The following SATB2 variants were observed in gnomAD, a reference collection of about 807,000 sequenced individuals.
The protein encoded by SATB2 is SATB homeobox 2.
In SATB2, 1 loss-of-function variant was observed where a neutral mutation model predicts 73.4. That is an observed-to-expected ratio of 0.01 (90% CI 0.00 to 0.06). The LOEUF (loss-of-function observed/expected upper bound fraction) is 0.06. Ranked by LOEUF, SATB2 falls within the 10% of genes least tolerant of loss-of-function variation. The pLI, the probability that SATB2 is intolerant of heterozygous loss-of-function variation, is 1.00. For synonymous variants in SATB2, 397 were observed against 367.0 expected, an observed-to-expected ratio of 1.08 and a Z score of -0.93; for missense variants, 459 against 945.8, an observed-to-expected ratio of 0.49 and a Z score of 6.75.
intron 5 of SATB2, among the ~76,000 whole-genome samples, chr2:199,371,867 C>T (rs1171396954): frequency 9.9e-5 from 15 of 151,810 alleles, no homozygotes; most frequent in Admixed American, 7.9e-4. Flanking sequence ...ACACTTAAAC[C>T]GAGGAACTAT....
At chr2:199,296,348 T>TAAAAGGGGTCTA (rs1402819861) in intron 10 of SATB2, among the ~76,000 whole-genome samples, 1 of 152,150 alleles carries the variant, frequency 6.6e-6, no homozygotes, top group Non-Finnish European at 1.5e-5. Flanking sequence ...GTGTTTTAGA[T>TAAAAGGGGTCTA]AAAAGGGGTC....
At chr2:199,293,250 C>T (rs1434539217) in intron 10 of SATB2, among the ~76,000 whole-genome samples, 1 of 151,994 alleles carries the variant, frequency 6.6e-6, no homozygotes, top group Non-Finnish European at 1.5e-5. Context: ...GAGTTTTTCT[C>T]CTGTTTTCTT....
Position 199,349,033 on chromosome 2 carries a change from G to C in SATB2, c.841C>G (p.Pro281Ala), listed in dbSNP as rs752392251. The C allele has an allele frequency of 6.2e-7, 1 of 1,614,132 alleles. No individual in the cohort carries two copies. Among genetic ancestry groups the C allele is most frequent in the Non-Finnish European group, 8.5e-7 (1 of 1,179,990 alleles). The change falls in exon 7 of 11, where the codon CCA becomes GCA. Residue 281 changes from proline to alanine, a missense_variant. Transcript: ENST00000417098. ...SPHSQIHHST[P>A]IRNQVPALQP... is the part of the protein sequence containing the mutation. ...AATGCGGGCACTTGGTTTCGGATTG[G>C]AGTACTGTGGTGAATTTGGCTGTGA...
chr2:199,405,925 T>C (rs914336084), intron 3 of SATB2, among the ~76,000 whole-genome samples: 8 of 152,138 alleles, frequency 5.3e-5, no homozygotes, highest in African/African-American at 1.9e-4. Flanking sequence ...CTTCATTCAG[T>C]CCATGGGTTC....
intron 2 of SATB2, among the ~76,000 whole-genome samples, chr2:199,450,283 C>A (rs776411073): frequency 1.0e-3 from 156 of 152,208 alleles, no homozygotes; most frequent in Middle Eastern, 3.4e-3. Flanking sequence ...TTTGTCATTT[C>A]CCACTTGTCA....
chr2:199,345,514 A>G (rs1303181568), intron 7 of SATB2, among the ~76,000 whole-genome samples: 1 of 149,956 alleles, frequency 6.7e-6, no homozygotes. Flanking sequence ...CCAATCTAAA[A>G]CTATCACTTT....
At chr2:199,323,595 TA>T (rs1574505819) in intron 9 of SATB2, among the ~76,000 whole-genome samples, 1 of 151,902 alleles carries the variant, frequency 6.6e-6, no homozygotes, top group African/African-American at 2.4e-5. Context: ...TTTTAATCTT[TA>T]AAAGAAAAAA....
chr2:199,328,105 C>A (rs1688081268), intron 8 of SATB2, among the ~76,000 whole-genome samples: 1 of 152,134 alleles, frequency 6.6e-6, no homozygotes, highest in African/African-American at 2.4e-5. Flanking sequence ...CTAGAGCCCG[C>A]CCCTGTGCCC....
chr2:199,456,903 C>T (rs1692294132), intron 1 of SATB2, among the ~76,000 whole-genome samples: 2 of 150,204 alleles, frequency 1.3e-5, no homozygotes, highest in South Asian at 2.1e-4. Context: ...AGAAAGTTTT[C>T]CTCTGGGTCA....
intron 5 of SATB2, among the ~76,000 whole-genome samples, chr2:199,369,266 T>C (rs1256343149): frequency 6.6e-6 from 1 of 152,312 alleles, no homozygotes; most frequent in Non-Finnish European, 1.5e-5. Context: ...ACAATACTTG[T>C]ACTGTGTTTC....
chr2:199,315,875 G>C (rs965300453), intron 9 of SATB2, among the ~76,000 whole-genome samples: 1 of 151,996 alleles, frequency 6.6e-6, no homozygotes, highest in African/African-American at 2.4e-5. Flanking sequence ...CTACTAATTA[G>C]TAAGTAGCCC....
chr2:199,437,495 A>T (rs1239427556), intron 2 of SATB2, among the ~76,000 whole-genome samples: 1 of 152,228 alleles, frequency 6.6e-6, no homozygotes, highest in Non-Finnish European at 1.5e-5. Flanking sequence ...CACTGTTCAC[A>T]GCAACAGCTG....
chr2:199,418,951 G>C (rs892446240), intron 3 of SATB2, among the ~76,000 whole-genome samples: 1 of 151,916 alleles, frequency 6.6e-6, no homozygotes, highest in East Asian at 1.9e-4. Context: ...AGTGATTCTG[G>C]GCAGCTCAGT....
At chr2:199,441,312 A>G (rs996583095) in intron 2 of SATB2, among the ~76,000 whole-genome samples, 7 of 152,194 alleles carry the variant, frequency 4.6e-5, no homozygotes, top group Admixed American at 2.0e-4. Context: ...AATATTGAAT[A>G]AGAGTTAAGA....
At chr2:199,381,095 A>G (rs906897737) in intron 4 of SATB2, among the ~76,000 whole-genome samples, 5 of 152,244 alleles carry the variant, frequency 3.3e-5, no homozygotes, top group African/African-American at 4.8e-5. Flanking sequence ...AAGACTGCAA[A>G]GAACCTCCAG....
chr2:199,440,203 T>C (rs992289105), intron 2 of SATB2, among the ~76,000 whole-genome samples: 1 of 152,006 alleles, frequency 6.6e-6, no homozygotes, highest in African/African-American at 2.4e-5. Flanking sequence ...CCTGTTGGGG[T>C]CTCAGGAAAA....
upstream of SATB2, chr2:199,459,648 C>G (rs950524784): frequency 2.6e-5 from 4 of 152,816 alleles, no homozygotes; most frequent in African/African-American, 9.6e-5. The surrounding 1 kb of genome is among the most constrained non-coding windows in gnomAD (Gnocchi z 4.2). Context: ...CCCAGGACCC[C>G]GAGGGCTCTC....
intron 3 of SATB2, among the ~76,000 whole-genome samples, chr2:199,426,708 A>AG (rs1403910655): frequency 1.8e-3 from 62 of 34,386 alleles, no homozygotes; most frequent in African/African-American, 2.8e-3. Flanking sequence ...AAAAAAAAAA[A>AG]AAAGAAAAGA....
chr2:199,346,528 A>G (rs1429101482), intron 7 of SATB2, among the ~76,000 whole-genome samples: 1 of 152,208 alleles, frequency 6.6e-6, no homozygotes, highest in East Asian at 1.9e-4. Context: ...ACATAATAGA[A>G]ATACATTTCA....
Sources: gnomAD v4.1 joint callset for allele counts (sites outside exome capture counted in the v4.1 genomes callset) on GRCh38, gnomAD v4.1.1 for gene constraint, Gnocchi (gnomAD v3.1) non-coding constraint, MANE v1.5 for transcripts, NCBI Gene and HGNC (gene_info 2026-07-23, HGNC 2026-07-21) for gene names.